Variants in ITGA4 observed in about 807,000 individuals in gnomAD.
ITGA4 encodes the protein integrin alpha-4.
ITGA4 carries 63 observed loss-of-function variants against 133.6 expected under a neutral mutation model. The ratio of observed to expected loss-of-function variants is 0.47; its 90% CI spans 0.38 to 0.58. The LOEUF (loss-of-function observed/expected upper bound fraction) is 0.58, where lower values mean the gene tolerates loss of function less well. Among genes scored for constraint, ITGA4 ranks in the 20% least tolerant of loss-of-function variants. The pLI, the probability that ITGA4 is intolerant of heterozygous loss-of-function variation, is 0.00. For synonymous variants in ITGA4, 483 were observed against 438.0 expected, an observed-to-expected ratio of 1.10 and a Z score of -1.28; for missense variants, 1,076 against 1,252.7, an observed-to-expected ratio of 0.86 and a Z score of 2.13.
In ITGA4 at chr2:181,509,135, TAAAAAAAAAAAAAA is replaced by T. The variant is rs57180154; in HGVS notation, c.1696-489_1696-476del. 2.3e-3 allele frequency among the ~76,000 whole-genome samples: 103 copies of T among 44,676 alleles called. 4 individuals are homozygous for T. The highest frequency in any genetic ancestry group is 9.8e-3 in the African/African-American group (97 of 9,946). 29.3% of individuals were successfully genotyped at this position (44,676 alleles called of 152,430 possible). On this transcript the variant is annotated intron_variant, in intron 15 of 27. Transcript: ENST00000397033. Reference sequence around the variant, plus strand: ...TGACAGAGGGACACATCCCATCTCTTAAAAAAAAAAAAAAAAAAAAAAAAAAAAAAAAAAAAAAA... The same window carrying T: ...TGACAGAGGGACACATCCCATCTCTTAAAAAAAAAAAAAAAAAAAAAAAAA...
At chr2:181,534,706 G>A (rs904163183) in intron 26 of ITGA4, 110 bp from the exon 27 acceptor site, 7 of 936,378 alleles carry the variant, frequency 7.5e-6, no homozygotes, top group Admixed American at 5.9e-5. Flanking sequence ...GGGCTGGGCA[G>A]TTCTAAATAC....
At chr2:181,498,412 T>C in intron 14 of ITGA4, 1 of 307,988 alleles carries the variant, frequency 3.2e-6, no homozygotes, top group Non-Finnish European at 5.9e-6. Context: ...AGAGGAAAGT[T>C]CATAAATCTT....
chr2:181,486,257 T>C, intron 10 of ITGA4: 1 of 337,516 alleles, frequency 3.0e-6, no homozygotes, highest in Non-Finnish European at 5.3e-6. Flanking sequence ...TGCATTATTA[T>C]TTATGTGTCC....
At position 181,535,648 on chromosome 2, in the gene ITGA4, A is replaced by G; in HGVS notation, c.*121A>G. The G allele has an allele frequency of 7.7e-7, 1 of 1,291,492 alleles. No homozygotes were observed. The highest frequency in any genetic ancestry group is 1.0e-6 in the Non-Finnish European group (1 of 957,546). 80.0% of individuals were successfully genotyped at this position (1,291,492 alleles called of 1,614,324 possible). ...GACTTCTTTTACTCATGATCTTGTG[A>G]CATATTATGTCTTCATGCAAGGGGA... On this transcript the variant is annotated 3_prime_UTR_variant, in exon 28 of 28. Transcript: ENST00000397033.
intron 20 of ITGA4, 117 bp from the exon 21 acceptor site, chr2:181,525,085 C>T (rs1046188732): frequency 2.0e-6 from 1 of 493,322 alleles, no homozygotes; most frequent in African/African-American, 1.9e-5. Flanking sequence ...ATCCCCACTC[C>T]TCAAAAAGCA....
rs1247665037 is a variant in ITGA4 at position 181,530,656 on chromosome 2, T to C, written c.2664+7T>C. Reference sequence around the variant, plus strand: ...GACTGATAAGAGGCTATTGGTAAGTTTCAGTTTTTCAGGTTGTAGTTCCTG... The same window carrying C: ...GACTGATAAGAGGCTATTGGTAAGTCTCAGTTTTTCAGGTTGTAGTTCCTG... On this transcript the variant is annotated splice_region_variant and intron_variant, in intron 24 of 27. Transcript: ENST00000397033. The C allele has an allele frequency of 1.7e-5, 28 of 1,607,182 alleles. No individual in the cohort carries two copies. Among genetic ancestry groups the C allele is most frequent in the Non-Finnish European group, 2.4e-5 (28 of 1,175,518 alleles).
rs529857888 is a variant in ITGA4, at chr2:181,487,388, C to T, written c.1153+1396C>T. Among the ~76,000 whole-genome samples the T allele has an allele frequency of 9.9e-5, 15 of 152,136 alleles. No homozygotes were observed. In the East Asian group the frequency reaches 2.3e-3, roughly 24 times the overall value. ...TTTTATGCCCTTCCTAGAAAGGGGA[C>T]GGGACACCTGGTTTGCATTCCTGTA... On this transcript the variant is annotated intron_variant, in intron 10 of 27. Transcript: ENST00000397033.
At chr2:181,509,455 T>C (rs1335821885) in intron 15 of ITGA4, among the ~76,000 whole-genome samples, 1 of 152,134 alleles carries the variant, frequency 6.6e-6, no homozygotes, top group Non-Finnish European at 1.5e-5. Context: ...TTTTATTTTT[T>C]TTGTGTTTTT....
chr2:181,535,414 ATG>A lies in ITGA4; in HGVS notation c.3004-16_3004-15del, dbSNP rs1687043907. ...TGTTCATAACTATACACTAGTGATTATGTTATGCTATTTTCAGGCTGGCTTCT... is the reference window on the plus strand; with the variant it reads ...TGTTCATAACTATACACTAGTGATTATTATGCTATTTTCAGGCTGGCTTCT... On this transcript the variant is annotated splice_polypyrimidine_tract_variant and intron_variant, in intron 27 of 27. Transcript: ENST00000397033. 6.4e-7 allele frequency: 1 copy of A among 1,572,422 alleles called. No homozygotes were observed. The highest frequency in any genetic ancestry group is 1.4e-5 in the African/African-American group (1 of 73,558).
At position 181,495,916 on chromosome 2, in the gene ITGA4, A is replaced by G; in HGVS notation, c.1519A>G (p.Lys507Glu). The G allele has an allele frequency of 6.2e-7, 1 of 1,613,954 alleles. No homozygotes were observed. Among genetic ancestry groups the G allele is most frequent in the Non-Finnish European group, 8.5e-7 (1 of 1,179,876 alleles). The stretch of plus-strand genomic sequence containing the variant: ...AACACTTTGTTTCTCATATAAGGGC[A>G]AGGAAGTTCCAGGTTACATTGGTGG... ...DLTLCFSYKG[K>E]EVPGYIVLFY... Residue 507 changes from lysine (K) to glutamate (E), a missense_variant, in exon 14 of 28, where the codon AAG becomes GAG. Coordinates refer to ENST00000397033, the MANE Select transcript of ITGA4 (RefSeq NM_000885.6). The surrounding 1 kb of genome is among the most constrained non-coding windows in gnomAD (Gnocchi z 4.3).
chr2:181,470,572 T>A (rs1351587211), intron 2 of ITGA4, among the ~76,000 whole-genome samples: 1 of 152,140 alleles, frequency 6.6e-6, no homozygotes, highest in Admixed American at 6.5e-5. Flanking sequence ...GATTCTAACG[T>A]CCAGTCAAGG....
In ITGA4 at chr2:181,457,745, G is replaced by A; in HGVS notation, c.91G>A (p.Gly31Ser). The part of the protein sequence containing the change: ...MLLLCLGVPT[G>S]RPYNVDTESA... ...GTTGCTGTGCCTGGGGGTCCCGACC[G>A]GCCGCCCCTACAACGTGGACACTGA... is the stretch of plus-strand genomic sequence containing the variant. Residue 31 changes from glycine to serine, a missense_variant, in exon 1 of 28, where the codon GGC becomes AGC. Gly to Ser is a moderately conservative substitution (Grantham distance 56, BLOSUM62 0). This residue lies in a region of ITGA4 where 82 missense variants were observed against 68.3 expected (regional missense o/e 1.20). Coordinates refer to ENST00000397033, the MANE Select transcript of ITGA4 (RefSeq NM_000885.6). The A allele has an allele frequency of 6.2e-7, 1 of 1,613,232 alleles. No individual in the cohort carries two copies. Among genetic ancestry groups the A allele is most frequent in the East Asian group, 2.2e-5 (1 of 44,846 alleles).
At chr2:181,508,699 C>T (rs897865129) in intron 15 of ITGA4, among the ~76,000 whole-genome samples, 5 of 141,576 alleles carry the variant, frequency 3.5e-5, no homozygotes, top group East Asian at 2.0e-4. Context: ...GACTCAAAAA[C>T]GAAAAATAAA....
At chr2:181,459,300 C>T (rs1321785186) in intron 2 of ITGA4, 1 of 112,518 alleles carries the variant, frequency 8.9e-6, no homozygotes, top group Non-Finnish European at 1.9e-5. Flanking sequence ...ATCTTCAATG[C>T]AAATAAAATT....
At chr2:181,475,385 G>C in intron 4 of ITGA4, 97 bp downstream of exon 4, 1 of 945,970 alleles carries the variant, frequency 1.1e-6, no homozygotes, top group Non-Finnish European at 1.6e-6. Flanking sequence ...TCAGAGGAGA[G>C]GGAGATCTTC....
chr2:181,496,198 A>G (rs1205400740), intron 14 of ITGA4, among the ~76,000 whole-genome samples: 1 of 152,212 alleles, frequency 6.6e-6, no homozygotes, highest in Admixed American at 6.5e-5. Context: ...ATATTAGTTT[A>G]AGGTAAACCA....
chr2:181,534,518 C>T, intron 26 of ITGA4, 148 bp downstream of exon 26: 1 of 645,738 alleles, frequency 1.5e-6, no homozygotes, highest in Non-Finnish European at 2.8e-6. Flanking sequence ...TGAGAGTTGG[C>T]ATTTTCCACA....
At chr2:181,483,522 C>A (rs953089645) in intron 9 of ITGA4, among the ~76,000 whole-genome samples, 1 of 152,166 alleles carries the variant, frequency 6.6e-6, no homozygotes, top group Admixed American at 6.5e-5. Context: ...GGTTTCAGAG[C>A]ATTTAGCAAG....
rs1388618418 is a variant in ITGA4 at position 181,537,751 on chromosome 2, TTTGAA to T, written c.*2229_*2233del. The T allele has an allele frequency of 4.5e-6, 2 of 445,322 alleles. No individual in the cohort carries two copies. Among genetic ancestry groups the T allele is most frequent in the East Asian group, 7.0e-5 (1 of 14,338 alleles). The allele number at this position is 445,322 out of a possible 1,614,324, so 27.6% of individuals were successfully genotyped here. A position where few individuals can be genotyped will look rare whatever the true frequency, so the allele number is the denominator to read the frequency against. On this transcript the variant is annotated 3_prime_UTR_variant, in exon 28 of 28. Transcript: ENST00000397033. ...AATAAACACATTGTAAAAAAAAGAA[TTTGAA>T]TTGATATCTAAAAACAGAATTTGAA...
Sources: allele counts gnomAD v4.1 joint callset (sites outside exome capture counted in the v4.1 genomes callset), GRCh38; gene constraint gnomAD v4.1.1; regional missense constraint gnomAD v4.1.1; non-coding constraint Gnocchi (gnomAD v3.1); transcripts MANE v1.5; gene names NCBI Gene and HGNC (gene_info 2026-07-23, HGNC 2026-07-21).